Variants in RYR2 observed in about 807,000 individuals in gnomAD.
RYR2 encodes the protein cardiac muscle ryanodine receptor-calcium release channel.
In RYR2, 227 loss-of-function variants were observed where a neutral mutation model predicts 601.1. That is an observed-to-expected ratio of 0.38 (90% confidence interval 0.34 to 0.42). The LOEUF is 0.42. Among genes scored for constraint, RYR2 ranks in the 10% least tolerant of loss-of-function variants. The probability of loss-of-function intolerance (pLI) is 1.00; values close to 1 mark genes in which losing one functional copy is unlikely to be tolerated. For synonymous variants in RYR2, 2,223 were observed against 2,175.1 expected, an observed-to-expected ratio of 1.02 and a Z score of -0.61; for missense variants, 4,646 against 6,156.5, an observed-to-expected ratio of 0.75 and a Z score of 8.21.
At chr1:237,360,014 T>C (rs1699646411) in intron 4 of RYR2, among the ~76,000 whole-genome samples, 1 of 152,220 alleles carries the variant, frequency 6.6e-6, no homozygotes, top group African/African-American at 2.4e-5. Context: ...GTATTTTCTC[T>C]TAAAAAATAT....
At chr1:237,669,270 A>C (rs368855805) in intron 58 of RYR2, among the ~76,000 whole-genome samples, 4,238 of 152,084 alleles carry the variant, frequency 0.028, 196 homozygotes, top group African/African-American at 0.095. Flanking sequence ...TCTCCCATGT[A>C]TACTTCTTTC....
At chr1:237,313,346 T>G (rs1446071807) in intron 2 of RYR2, among the ~76,000 whole-genome samples, 1 of 152,184 alleles carries the variant, frequency 6.6e-6, no homozygotes, top group Non-Finnish European at 1.5e-5. Flanking sequence ...GGGGAGATTT[T>G]CCTTGATTAT....
At chr1:237,655,696 T>C in intron 52 of RYR2, 125 bp from the exon 53 acceptor site, 3 of 794,902 alleles carry the variant, frequency 3.8e-6, no homozygotes, top group Non-Finnish European at 3.8e-6. Context: ...AAAAGAATGA[T>C]CAGAGAGTTC....
At chr1:237,686,950 C>T (rs547421660) in intron 62 of RYR2, among the ~76,000 whole-genome samples, 57 of 152,094 alleles carry the variant, frequency 3.7e-4, no homozygotes, top group African/African-American at 1.1e-3. Context: ...AGGTTGGGGA[C>T]GAAGGAGATT....
chr1:237,669,741 A>C (rs1287099898), intron 58 of RYR2, among the ~76,000 whole-genome samples: 3 of 145,020 alleles, frequency 2.1e-5, no homozygotes, highest in African/African-American at 5.2e-5. Flanking sequence ...GGCGGCTGGG[A>C]AGAGGCGCTC....
At chr1:237,660,448 G>GA (rs1483472876) in intron 55 of RYR2, among the ~76,000 whole-genome samples, 1 of 151,856 alleles carries the variant, frequency 6.6e-6, no homozygotes, top group African/African-American at 2.4e-5. Context: ...ACTTCTTTGG[G>GA]AAAGAAATGA....
At chr1:237,335,553 C>T (rs1253013724) in intron 3 of RYR2, among the ~76,000 whole-genome samples, 2 of 152,100 alleles carry the variant, frequency 1.3e-5, no homozygotes, top group Non-Finnish European at 2.9e-5. Flanking sequence ...TTGAGGACAG[C>T]GTATTTTAAA....
Position 237,655,831 on chromosome 1 carries a change from A to G in RYR2, c.7976A>G (p.Gln2659Arg). 6.3e-7 allele frequency: 1 copy of G among 1,595,668 alleles called. No individual in the cohort carries two copies. The highest frequency in any genetic ancestry group is 1.1e-5 in the South Asian group (1 of 87,104). ...FDALSQKKYEQELFKLALPCL... is the reference protein window; with the variant it reads ...FDALSQKKYERELFKLALPCL... ...CTCCATTTTTCCCAGAAATATGAAC[A>G]AGAACTTTTCAAACTGGCACTGCCT... The change falls in exon 53 of 105, where the codon CAA becomes CGA. Residue 2659 changes from glutamine (Q) to arginine (R), a missense_variant. Gln to Arg is a conservative substitution (Grantham distance 43). Around this residue, in one of 17 missense-constraint regions of RYR2, gnomAD observed 1,497 missense variants for 1,842.6 expected, o/e 0.81. Coordinates refer to ENST00000366574, the MANE Select transcript of RYR2 (RefSeq NM_001035.3).
intron 35 of RYR2, among the ~76,000 whole-genome samples, chr1:237,608,488 A>G (rs1434858100): frequency 6.6e-6 from 1 of 152,156 alleles, no homozygotes; most frequent in African/African-American, 2.4e-5. Context: ...ACTTGAGCCC[A>G]GAAGTTTGAA....
At chr1:237,663,486 G>A (rs1176978946) in intron 56 of RYR2, among the ~76,000 whole-genome samples, 1 of 152,144 alleles carries the variant, frequency 6.6e-6, no homozygotes, top group Non-Finnish European at 1.5e-5. Context: ...GTGGCCCATG[G>A]TTAACGGCAG....
chr1:237,097,627 T>C (rs1281941213), intron 1 of RYR2, among the ~76,000 whole-genome samples: 1 of 152,214 alleles, frequency 6.6e-6, no homozygotes, highest in African/African-American at 2.4e-5. Flanking sequence ...GCAAAACATC[T>C]TGTGTAATGC....
In RYR2 at chr1:237,526,453, A is replaced by C. The variant is rs143611102; in HGVS notation, c.2823-3974A>C. Among the ~76,000 whole-genome samples the C allele has an allele frequency of 5.2e-3, 793 of 151,750 alleles. 11 individuals are homozygous for C. Among genetic ancestry groups the C allele is most frequent in the Admixed American group, 0.029 (441 of 15,238 alleles). On this transcript the variant is annotated intron_variant, in intron 24 of 104. Transcript: ENST00000366574. ...CCTTGATTTCCGAGACTCAGGCAAA[A>C]TTTCTGCCTCAGCCTTTAGAGTAGC...
intron 87 of RYR2, among the ~76,000 whole-genome samples, chr1:237,777,817 T>C (rs1694787153): frequency 6.6e-6 from 1 of 152,188 alleles, no homozygotes; most frequent in Non-Finnish European, 1.5e-5. Flanking sequence ...ACCAGAACAC[T>C]AATGGTTCAG....
chr1:237,729,449 C>A (rs747306779), intron 76 of RYR2, among the ~76,000 whole-genome samples: 1 of 152,142 alleles, frequency 6.6e-6, no homozygotes, highest in Non-Finnish European at 1.5e-5. Context: ...CAGTTGCCCC[C>A]TCTGATTTCC....
rs794728781 is a variant in RYR2 at position 237,783,951 on chromosome 1, A to G, written c.12239A>G (p.Tyr4080Cys). The G allele has an allele frequency of 3.7e-6, 6 of 1,613,668 alleles. No individual in the cohort carries two copies. Among genetic ancestry groups the G allele is most frequent in the Non-Finnish European group, 4.2e-6 (5 of 1,179,730 alleles). ...AETDENETLDYEEFVKRFHEP... is the reference protein window; with the variant it reads ...AETDENETLDCEEFVKRFHEP... The stretch of plus-strand genomic sequence containing the variant: ...ACGGATGAGAATGAAACCCTCGACT[A>G]CGAAGAGTTCGTCAAACGCTTCCAC... The change falls in exon 90 of 105, where the codon TAC becomes TGC. Residue 4080 changes from tyrosine to cysteine, a missense_variant. Coordinates refer to ENST00000366574, the MANE Select transcript of RYR2 (RefSeq NM_001035.3).
intron 3 of RYR2, among the ~76,000 whole-genome samples, chr1:237,348,857 C>T (rs1698520098): frequency 6.6e-6 from 1 of 151,998 alleles, no homozygotes; most frequent in Non-Finnish European, 1.5e-5. Flanking sequence ...ACACTGAAAA[C>T]CACAGTAAGT....
At chr1:237,209,541 G>A (rs182046389) in intron 1 of RYR2, among the ~76,000 whole-genome samples, 2 of 76,922 alleles carry the variant, frequency 2.6e-5, no homozygotes, top group Admixed American at 2.8e-4. Flanking sequence ...TGGGAAGTGT[G>A]AGTCCAAGTG....
intron 1 of RYR2, among the ~76,000 whole-genome samples, chr1:237,081,280 T>TTAAAAAAAAAAAA (rs1553284184): frequency 1.8e-5 from 1 of 56,258 alleles, no homozygotes; most frequent in Non-Finnish European, 4.4e-5. Flanking sequence ...TAGAGTATAA[T>TTAAAAAAAAAAAA]AAAAAAAAAA....
Position 237,058,223 on chromosome 1 carries a change from A to T in RYR2, c.48+15654A>T, listed in dbSNP as rs370554221. Among the ~76,000 whole-genome samples the T allele has an allele frequency of 2.6e-3, 401 of 152,344 alleles. 3 individuals carry two copies. Among genetic ancestry groups the T allele is most frequent in the Middle Eastern group, 0.017 (5 of 294 alleles). On this transcript the variant is annotated intron_variant, in intron 1 of 104. Transcript: ENST00000366574. ...TATTGGAGGGATTTTCTGAAAGCTC[A>T]GGTCAGGGGAAAATGTTGAAATATC...
Sources: allele counts gnomAD v4.1 joint callset (sites outside exome capture counted in the v4.1 genomes callset), GRCh38; gene constraint gnomAD v4.1.1; regional missense constraint gnomAD v4.1.1; transcripts MANE v1.5; gene names NCBI Gene and HGNC (gene_info 2026-07-23, HGNC 2026-07-21).